The following RTN4RL1 variants were observed in gnomAD, a reference collection of about 807,000 sequenced individuals.
RTN4RL1 encodes reticulon 4 receptor like 1.
RTN4RL1 carries 7 observed loss-of-function variants against 25.6 expected under a neutral mutation model. The observed-to-expected ratio is 0.27, with a 90% CI of 0.16 to 0.51. The LOEUF (loss-of-function observed/expected upper bound fraction) is 0.51. Ranked by LOEUF, RTN4RL1 falls within the 20% of genes least tolerant of loss-of-function variation. RTN4RL1 has a pLI of 0.97. For synonymous variants in RTN4RL1, 297 were observed against 288.2 expected (o/e 1.03, Z -0.31); for missense variants, 500 against 615.6 (o/e 0.81, Z 1.99).
At chr17:1,966,423 G>A (rs2066791633) in intron 1 of RTN4RL1, among the ~76,000 whole-genome samples, 1 of 152,192 alleles carries the variant, frequency 6.6e-6, no homozygotes, top group Non-Finnish European at 1.5e-5. Context: ...GGAAACCGAT[G>A]GAGGGAGGGG....
intron 1 of RTN4RL1, among the ~76,000 whole-genome samples, chr17:1,952,299 T>A (rs1024667160): frequency 6.7e-6 from 1 of 149,098 alleles, no homozygotes; most frequent in Non-Finnish European, 1.5e-5. Flanking sequence ...GAAACGGGGC[T>A]GGACTTGGAG....
chr17:2,018,983 C>T (rs1399725789), intron 1 of RTN4RL1: 1 of 152,198 alleles, frequency 6.6e-6, no homozygotes, highest in African/African-American at 2.4e-5. Flanking sequence ...CTGTGAAGCC[C>T]GAGGTGGCTG....
chr17:1,991,892 A>T (rs1384344984), intron 1 of RTN4RL1, among the ~76,000 whole-genome samples: 1 of 152,150 alleles, frequency 6.6e-6, no homozygotes, highest in African/African-American at 2.4e-5. Flanking sequence ...TGGAAGTGGA[A>T]TTGCTCTATT....
Position 1,936,479 on chromosome 17 carries a change from G to T in RTN4RL1, c.*17C>A. On this transcript the variant is annotated 3_prime_UTR_variant, in exon 2 of 2. Coordinates refer to ENST00000331238, the MANE Select transcript of RTN4RL1 (RefSeq NM_178568.4). ...TGGTGGACATGTGGCAGTGCTGGGT[G>T]CTGACGCCCTGGGTCCTCAGCGGAG... The T allele has an allele frequency of 6.5e-7, 1 of 1,532,020 alleles. No individual in the cohort carries two copies. The highest frequency in any genetic ancestry group is 8.7e-7 in the Non-Finnish European group (1 of 1,144,438). 94.9% of individuals were successfully genotyped at this position (1,532,020 alleles called of 1,614,324 possible).
intron 1 of RTN4RL1, among the ~76,000 whole-genome samples, chr17:1,993,148 T>A (rs1328536795): frequency 9.2e-5 from 14 of 152,092 alleles, no homozygotes; most frequent in Admixed American, 9.2e-4. Flanking sequence ...TTCGGGAGGC[T>A]GAGGCAGGAG....
In RTN4RL1 at chr17:1,937,148, G is replaced by A. The variant is rs1915325669; in HGVS notation, c.674C>T (p.Thr225Ile). The A allele has an allele frequency of 1.9e-6, 3 of 1,611,908 alleles. No homozygotes were observed. Among genetic ancestry groups the A allele is most frequent in the Non-Finnish European group, 1.7e-6 (2 of 1,179,422 alleles). ...GAGGCTGTTGTTGAAGAGGAAGAGG[G>A]TGGTCAGCCTGCGGAGGTCGTGGAA... ...KAFHDLRRLT[T>I]LFLFNNSLSE... Residue 225 changes from threonine to isoleucine, a missense_variant, in exon 2 of 2, where the codon ACC becomes ATC. By Grantham distance (89) the Thr-to-Ile change is moderately conservative. Around this residue, in one of 2 missense-constraint regions of RTN4RL1, gnomAD observed 232 missense variants for 341.1 expected, o/e 0.68. Coordinates refer to ENST00000331238, the MANE Select transcript of RTN4RL1 (RefSeq NM_178568.4).
At chr17:2,021,757 G>T (rs1361873326) in intron 1 of RTN4RL1, among the ~76,000 whole-genome samples, 1 of 149,650 alleles carries the variant, frequency 6.7e-6, no homozygotes, top group African/African-American at 2.5e-5. Flanking sequence ...GTTTCACCAT[G>T]TTGGCCAGGC....
intron 1 of RTN4RL1, among the ~76,000 whole-genome samples, chr17:1,962,670 G>A (rs1010821892): frequency 2.6e-5 from 4 of 151,846 alleles, no homozygotes; most frequent in African/African-American, 9.7e-5. Context: ...TTCGAGATCA[G>A]CCCGGCCAAC....
chr17:1,951,534 C>G (rs551850376), intron 1 of RTN4RL1, among the ~76,000 whole-genome samples: 2 of 152,016 alleles, frequency 1.3e-5, no homozygotes, highest in African/African-American at 4.8e-5. Context: ...TCACTGCAAC[C>G]TCTGCCTCCG....
intron 1 of RTN4RL1, among the ~76,000 whole-genome samples, chr17:2,021,883 G>T: frequency 7.1e-6 from 1 of 141,326 alleles, no homozygotes; most frequent in Non-Finnish European, 1.5e-5. Flanking sequence ...TTTTTAAATA[G>T]GGTCTGGCTT....
chr17:2,009,162 G>A (rs2067024564), intron 1 of RTN4RL1, among the ~76,000 whole-genome samples: 2 of 152,164 alleles, frequency 1.3e-5, no homozygotes, highest in Non-Finnish European at 2.9e-5. Context: ...ATGCTGTGGA[G>A]TAAAAGGGCA....
chr17:1,956,901 G>A (rs1043416606), intron 1 of RTN4RL1, among the ~76,000 whole-genome samples: 1 of 151,972 alleles, frequency 6.6e-6, no homozygotes. Context: ...CCACCACCAC[G>A]CCCGGCTTTT....
At chr17:2,018,044 G>A (rs1438205081) in intron 1 of RTN4RL1, 4 of 152,432 alleles carry the variant, frequency 2.6e-5, no homozygotes, top group Non-Finnish European at 5.9e-5. Flanking sequence ...GAGGACAGCT[G>A]AGCCCTGCAG....
intron 1 of RTN4RL1, among the ~76,000 whole-genome samples, chr17:1,995,992 T>C (rs192227352): frequency 2.6e-5 from 4 of 152,238 alleles, no homozygotes; most frequent in Non-Finnish European, 5.9e-5. Context: ...CTGGTGTAGG[T>C]TCCTTGGCGA....
rs142804209 is a variant in RTN4RL1 at position 2,000,364 on chromosome 17, T to G, written c.13+24489A>C. Among the ~76,000 whole-genome samples the G allele has an allele frequency of 3.6e-3, 554 of 151,794 alleles. 3 individuals are homozygous for G. Among genetic ancestry groups the G allele is most frequent in the African/African-American group, 0.012 (510 of 41,336 alleles). On this transcript the variant is annotated intron_variant, in intron 1 of 1. Coordinates refer to ENST00000331238, the MANE Select transcript of RTN4RL1 (RefSeq NM_178568.4). ...TTCCAGTTTTTGTTTGTTTGTTTGT[T>G]TAAGATGGAGTCTCTCTCTGCCGCC...
Position 1,998,580 on chromosome 17 carries a change from G to A in RTN4RL1, c.13+26273C>T, listed in dbSNP as rs1248250222. 6.6e-6 allele frequency among the ~76,000 whole-genome samples: 1 copy of A among 152,124 alleles called. No individual in the cohort carries two copies. Among genetic ancestry groups the A allele is most frequent in the South Asian group, 2.1e-4 (1 of 4,834 alleles). ...GCGGCTTTCCTGCCCCCACTTTACA[G>A]ACGTGAACGCTGAGGCGGAGGGTGG... On this transcript the variant is annotated intron_variant, in intron 1 of 1. Transcript: ENST00000331238. The surrounding 1 kb of genome is among the most constrained non-coding windows in gnomAD (Gnocchi z 4.9).
intron 1 of RTN4RL1, among the ~76,000 whole-genome samples, chr17:1,959,916 T>A (rs1285321993): frequency 3.9e-5 from 6 of 152,202 alleles, no homozygotes; most frequent in Non-Finnish European, 7.3e-5. Flanking sequence ...ACATGTGTTC[T>A]GGCTCTAAAC....
rs150764404 is a variant in RTN4RL1, at chr17:1,958,276, G to A, written c.14-20468C>T. Among the ~76,000 whole-genome samples the A allele has an allele frequency of 5.5e-3, 843 of 152,260 alleles. 8 individuals are homozygous for A. Among genetic ancestry groups the A allele is most frequent in the African/African-American group, 0.019 (793 of 41,542 alleles). On this transcript the variant is annotated intron_variant, in intron 1 of 1. Coordinates refer to ENST00000331238, the MANE Select transcript of RTN4RL1 (RefSeq NM_178568.4). Reference sequence around the variant, plus strand: ...TTCAAACAAGATTGCCGTGGCATCCGACCGTGGGAGGAGACATCTCTCTCC... The same window carrying A: ...TTCAAACAAGATTGCCGTGGCATCCAACCGTGGGAGGAGACATCTCTCTCC...
rs2066921658 is a variant in RTN4RL1 at position 1,994,500 on chromosome 17, CA to C, written c.13+30352del. Reference sequence around the variant, plus strand: ...TCTCAATTCTCAGGTCAGAAAATGCCAAGGGGCCTGCTCCATCCCCTTCCCA... The same window carrying C: ...TCTCAATTCTCAGGTCAGAAAATGCCAGGGGCCTGCTCCATCCCCTTCCCA... On this transcript the variant is annotated intron_variant, in intron 1 of 1. Coordinates refer to ENST00000331238, the MANE Select transcript of RTN4RL1 (RefSeq NM_178568.4). This position sits in a 1 kb window ranked among gnomAD's most constrained non-coding sequence, Gnocchi z 4.3. Among the ~76,000 whole-genome samples, 1 of 152,198 alleles carries C rather than the reference CA, an allele frequency of 6.6e-6. No homozygotes were observed. Among genetic ancestry groups the C allele is most frequent in the South Asian group, 2.1e-4 (1 of 4,834 alleles).
Sources: allele counts gnomAD v4.1 joint callset (sites outside exome capture counted in the v4.1 genomes callset), GRCh38; gene constraint gnomAD v4.1.1; regional missense constraint gnomAD v4.1.1; non-coding constraint Gnocchi (gnomAD v3.1); transcripts MANE v1.5; gene names NCBI Gene and HGNC (gene_info 2026-07-23, HGNC 2026-07-21).